CEACAM7: variants seen among roughly 807,000 people sequenced by gnomAD.
The protein encoded by CEACAM7 is cell adhesion molecule CEACAM7.
Under a neutral mutation model 25.7 loss-of-function variants are expected in CEACAM7, and 24 were observed. That is an observed-to-expected ratio of 0.93 (90% CI 0.68 to 1.31). The LOEUF (loss-of-function observed/expected upper bound fraction) is 1.31, where lower values mean the gene tolerates loss of function less well. CEACAM7 is among the 40% of genes most tolerant of loss of function. The pLI is 0.00. For missense variants in CEACAM7, 324 were observed against 330.1 expected (o/e 0.98, Z 0.14); for synonymous variants, 144 against 129.4 (o/e 1.11, Z -0.77).
At chr19:41,682,901 T>C (rs1380088535) in intron 3 of CEACAM7, among the ~76,000 whole-genome samples, 3 of 152,238 alleles carry the variant, frequency 2.0e-5, no homozygotes, top group African/African-American at 7.2e-5. Context: ...ACCTGGGGCT[T>C]TGGGGCTGAG....
rs2072202775 is a variant in CEACAM7, at chr19:41,684,038, G to A, written c.453C>T (p.Thr151=). 6.2e-7 allele frequency: 1 copy of A among 1,614,048 alleles called. No individual in the cohort carries two copies. Among genetic ancestry groups the A allele is most frequent in the African/African-American group, 1.3e-5 (1 of 74,912 alleles). Residue 151 remains threonine, a synonymous_variant, in exon 3 of 5, where the codon ACC becomes ACT. Coordinates refer to ENST00000401731, the MANE Select transcript of CEACAM7 (RefSeq NM_001291485.2). ...TCTCCACCGGATTGAAGTTGTTGCTGGTGATGGAGGGCTTGGGTGGCTCCG... is the reference window on the plus strand; with the variant it reads ...TCTCCACCGGATTGAAGTTGTTGCTAGTGATGGAGGGCTTGGGTGGCTCCG... ...VFSEPPKPSI[T]SNNFNPVENK... is the part of the protein sequence containing the mutation.
At chr19:41,685,989 C>A (rs781835690) in intron 2 of CEACAM7, among the ~76,000 whole-genome samples, 1 of 152,032 alleles carries the variant, frequency 6.6e-6, no homozygotes, top group South Asian at 2.1e-4. Context: ...TGAGATAAAG[C>A]GTAAATGGTC....
intron 3 of CEACAM7, among the ~76,000 whole-genome samples, chr19:41,677,849 T>A (rs1162320620): frequency 2.6e-5 from 4 of 152,160 alleles, no homozygotes; most frequent in Admixed American, 6.5e-5. Flanking sequence ...GTGTCTCAGT[T>A]GTGGCAGTTA....
Position 41,688,142 on chromosome 19 carries a change from T to C in CEACAM7, c.24A>G (p.Pro8=), listed in dbSNP as rs1860331. 0.015 allele frequency: 24,478 copies of C among 1,612,030 alleles called. 485 individuals are homozygous for C. The highest frequency in any genetic ancestry group is 0.092 in the Admixed American group (5,500 of 59,804). ...CCTGCCAGGGAATGCACACTCTGTATGGACAGGCTGAAGGGGACCCCATGG... is the reference window on the plus strand; with the variant it reads ...CCTGCCAGGGAATGCACACTCTGTACGGACAGGCTGAAGGGGACCCCATGG... MGSPSAC[P]YRVCIPWQGL... is the part of the protein sequence containing the mutation. Residue 8 remains proline (P), a synonymous_variant, in exon 1 of 5, where the codon CCA becomes CCG. Transcript: ENST00000401731.
At position 41,682,541 on chromosome 19, in the gene CEACAM7, G is replaced by C. The variant is rs552178375; in HGVS notation, c.706+1244C>G. On this transcript the variant is annotated intron_variant, in intron 3 of 4. Transcript: ENST00000401731. ...CCCAGTTCCCTGAAGCCTGACCCAG[G>C]AGAGGCTCTGCCATTGATTGACAGC... Among the ~76,000 whole-genome samples, 4 of 152,296 alleles carry C rather than the reference G, an allele frequency of 2.6e-5. No homozygotes were observed. The South Asian group carries it at 8.3e-4, about 32-fold the overall frequency.
At chr19:41,678,444 C>T (rs1172727317) in intron 3 of CEACAM7, among the ~76,000 whole-genome samples, 1 of 151,820 alleles carries the variant, frequency 6.6e-6, no homozygotes, top group Non-Finnish European at 1.5e-5. Flanking sequence ...ATTTCTGTTG[C>T]AATAATTTGG....
At chr19:41,684,745 A>G (rs918389438) in intron 2 of CEACAM7, among the ~76,000 whole-genome samples, 1 of 152,230 alleles carries the variant, frequency 6.6e-6, no homozygotes, top group African/African-American at 2.4e-5. Context: ...TCAATGACAT[A>G]ACAAGAACAA....
intron 2 of CEACAM7, 27 bp downstream of exon 2, chr19:41,686,832 C>A (rs782747830): frequency 1.1e-5 from 17 of 1,517,710 alleles, no homozygotes; most frequent in Non-Finnish European, 1.4e-5. Context: ...GCCCCCAGCA[C>A]CCAGAAGTCA....
At chr19:41,684,511 A>G (rs782575193) in intron 2 of CEACAM7, among the ~76,000 whole-genome samples, 3 of 152,200 alleles carry the variant, frequency 2.0e-5, no homozygotes, top group Non-Finnish European at 2.9e-5. Flanking sequence ...ATGGGTGATG[A>G]TAACAATGGG....
At chr19:41,676,617 G>A (rs2072116028) in intron 4 of CEACAM7, among the ~76,000 whole-genome samples, 1 of 152,166 alleles carries the variant, frequency 6.6e-6, no homozygotes, top group Admixed American at 6.5e-5. Flanking sequence ...ACATGAATTG[G>A]TTATCAGGAA....
At chr19:41,687,306 T>G in intron 1 of CEACAM7, 85 bp from the exon 2 acceptor site, 100 of 1,376,438 alleles carry the variant, frequency 7.3e-5, no homozygotes, top group Middle Eastern at 2.2e-4. Context: ...AGCAGGTCTC[T>G]TCACCCACCC....
chr19:41,684,285 T>C (rs896857457), intron 2 of CEACAM7, among the ~76,000 whole-genome samples: 3 of 152,150 alleles, frequency 2.0e-5, no homozygotes, highest in African/African-American at 7.2e-5. Context: ...TTCTCAAGTG[T>C]AAATTGTGCA....
At chr19:41,687,316 C>A in intron 1 of CEACAM7, 95 bp from the exon 2 acceptor site, 1 of 1,305,454 alleles carries the variant, frequency 7.7e-7, no homozygotes, top group South Asian at 1.5e-5. Flanking sequence ...TTCACCCACC[C>A]CCATCTTGAA....
At position 41,686,736 on chromosome 19, in the gene CEACAM7, G is replaced by T. The variant is rs567511388; in HGVS notation, c.427+123C>A. 1.3e-4 allele frequency: 143 copies of T among 1,113,682 alleles called. 1 individual carries two copies. Among genetic ancestry groups the T allele is most frequent in the Non-Finnish European group, 1.7e-4 (134 of 791,682 alleles). The allele number at this position is 1,113,682 out of a possible 1,614,324, so 69.0% of individuals were successfully genotyped here. ...CCCCCATGTGTGTCCTTCACTAAATGCCCAAACTCCAACACTGGATAAAAT... is the reference window on the plus strand; with the variant it reads ...CCCCCATGTGTGTCCTTCACTAAATTCCCAAACTCCAACACTGGATAAAAT... On this transcript the variant is annotated intron_variant, in intron 2 of 4. Coordinates refer to ENST00000401731, the MANE Select transcript of CEACAM7 (RefSeq NM_001291485.2).
At chr19:41,687,918 A>T (rs1222281212) in intron 1 of CEACAM7, among the ~76,000 whole-genome samples, 184 bp downstream of exon 1, 1 of 152,132 alleles carries the variant, frequency 6.6e-6, no homozygotes, top group African/African-American at 2.4e-5. Flanking sequence ...GATTTTCTTG[A>T]CCCTTTCCAA....
intron 4 of CEACAM7, among the ~76,000 whole-genome samples, chr19:41,675,444 T>C (rs1004370266): frequency 2.6e-5 from 4 of 152,248 alleles, no homozygotes; most frequent in Admixed American, 6.5e-5. Context: ...TCCTCATTAG[T>C]TCATCTAGTC....
chr19:41,677,449 A>T lies in CEACAM7; in HGVS notation c.761T>A (p.Ile254Asn). The T allele has an allele frequency of 1.2e-6, 2 of 1,614,116 alleles. No individual in the cohort carries two copies. Among genetic ancestry groups the T allele is most frequent in the Non-Finnish European group, 1.7e-6 (2 of 1,179,934 alleles). The part of the protein sequence containing the change: ...PDLSAGTAVS[I>N]MIGVLAGMAL... The stretch of plus-strand genomic sequence containing the variant: ...CATCCCAGCCAGTACTCCAATCATG[A>T]TGCTGACAGCGGTCCCAGCTGAGAG... The change falls in exon 4 of 5, where the codon ATC becomes AAC. Residue 254 changes from isoleucine (I) to asparagine (N), a missense_variant. Transcript: ENST00000401731.
chr19:41,688,143 G>T lies in CEACAM7; in HGVS notation c.23C>A (p.Pro8Gln), dbSNP rs2072247969. ...CTGCCAGGGAATGCACACTCTGTAT[G>T]GACAGGCTGAAGGGGACCCCATGGT... MGSPSAC[P>Q]YRVCIPWQGL... The change falls in exon 1 of 5, where the codon CCA becomes CAA. Residue 8 changes from proline (P) to glutamine (Q), a missense_variant. Coordinates refer to ENST00000401731, the MANE Select transcript of CEACAM7 (RefSeq NM_001291485.2). 4 of 1,611,954 alleles carry T rather than the reference G, an allele frequency of 2.5e-6. No homozygotes were observed. The highest frequency in any genetic ancestry group is 3.4e-6 in the Non-Finnish European group (4 of 1,178,798).
At chr19:41,678,366 T>A (rs1207974549) in intron 3 of CEACAM7, among the ~76,000 whole-genome samples, 1 of 152,024 alleles carries the variant, frequency 6.6e-6, no homozygotes, top group Non-Finnish European at 1.5e-5. Context: ...TATATGTATA[T>A]GTGTGTATAT....
Sources: allele counts gnomAD v4.1 joint callset (sites outside exome capture counted in the v4.1 genomes callset), GRCh38; gene constraint gnomAD v4.1.1; transcripts MANE v1.5; gene names NCBI Gene and HGNC (gene_info 2026-07-23, HGNC 2026-07-21).